Variants in RIT2 observed in about 807,000 individuals in gnomAD.
RIT2 encodes the protein Ras like without CAAX 2.
Under a neutral mutation model 23.7 loss-of-function variants are expected in RIT2, and 24 were observed. The ratio of observed to expected loss-of-function variants is 1.01; its 90% CI spans 0.73 to 1.43. The LOEUF is 1.43. RIT2 is among the 40% of genes most tolerant of loss of function. The pLI is 0.00. For synonymous variants in RIT2, 107 were observed against 91.1 expected, an observed-to-expected ratio of 1.17 and a Z score of -0.99; for missense variants, 236 against 266.9, an observed-to-expected ratio of 0.88 and a Z score of 0.81.
At chr18:42,979,202 A>C (rs1284852192) in intron 2 of RIT2, among the ~76,000 whole-genome samples, 1 of 152,108 alleles carries the variant, frequency 6.6e-6, no homozygotes, top group Non-Finnish European at 1.5e-5. Context: ...CAAAGCAGCT[A>C]ATGTATTTTT....
chr18:43,036,764 G>C (rs1292004265), intron 1 of RIT2, among the ~76,000 whole-genome samples: 1 of 152,112 alleles, frequency 6.6e-6, no homozygotes, highest in Non-Finnish European at 1.5e-5. Context: ...ATTTTAGAAA[G>C]ATTGATTTGT....
At chr18:43,085,968 G>A (rs543629287) in intron 1 of RIT2, among the ~76,000 whole-genome samples, 1 of 152,086 alleles carries the variant, frequency 6.6e-6, no homozygotes, top group African/African-American at 2.4e-5. Flanking sequence ...CCATGATTAA[G>A]AGACCTCCCA....
At chr18:43,027,258 G>A (rs1383112103) in intron 2 of RIT2, among the ~76,000 whole-genome samples, 1 of 152,102 alleles carries the variant, frequency 6.6e-6, no homozygotes, top group Non-Finnish European at 1.5e-5. Flanking sequence ...ACTCTGAGCA[G>A]CTTTATAGCA....
intron 4 of RIT2, among the ~76,000 whole-genome samples, chr18:42,804,899 C>A (rs1364596776): frequency 6.6e-6 from 1 of 152,150 alleles, no homozygotes; most frequent in Non-Finnish European, 1.5e-5. Flanking sequence ...GTGCGCAGGG[C>A]AGTGTGAGGC....
At chr18:42,950,125 C>A (rs1309255897) in intron 3 of RIT2, among the ~76,000 whole-genome samples, 23 of 152,064 alleles carry the variant, frequency 1.5e-4, no homozygotes, top group Non-Finnish European at 1.3e-4. Context: ...ATTCTATACT[C>A]AACTGCTTAT....
chr18:42,976,583 G>A (rs1050859563), intron 2 of RIT2, among the ~76,000 whole-genome samples: 2 of 152,020 alleles, frequency 1.3e-5, no homozygotes, highest in African/African-American at 4.8e-5. Flanking sequence ...TTTGGGTCAT[G>A]TAGTTGTTAC....
chr18:42,823,612 C>T (rs1444364008), intron 4 of RIT2, among the ~76,000 whole-genome samples: 2 of 152,076 alleles, frequency 1.3e-5, no homozygotes, highest in African/African-American at 2.4e-5. Flanking sequence ...CAATTTATCC[C>T]TGCACACTTT....
intron 4 of RIT2, among the ~76,000 whole-genome samples, chr18:42,807,923 T>G (rs976393030): frequency 2.0e-5 from 3 of 152,044 alleles, no homozygotes; most frequent in African/African-American, 7.2e-5. Context: ...AAAGAAGGCT[T>G]TCTGATTATC....
intron 3 of RIT2, among the ~76,000 whole-genome samples, chr18:42,945,100 T>C (rs979781168): frequency 1.3e-5 from 2 of 152,098 alleles, no homozygotes; most frequent in African/African-American, 4.8e-5. Context: ...TTACTTAAAA[T>C]TACATTAATG....
intron 4 of RIT2, among the ~76,000 whole-genome samples, chr18:42,774,268 T>A (rs1913615141): frequency 6.6e-6 from 1 of 152,174 alleles, no homozygotes; most frequent in African/African-American, 2.4e-5. Context: ...TCACTTTGCT[T>A]TGCATTGCTT....
chr18:42,945,106 TAATG>T (rs1909696150), intron 3 of RIT2, among the ~76,000 whole-genome samples: 1 of 152,104 alleles, frequency 6.6e-6, no homozygotes, highest in African/African-American at 2.4e-5. Context: ...AAAATTACAT[TAATG>T]AAAGAAATTA....
chr18:43,051,670 A>G lies in RIT2; in HGVS notation c.104-17803T>C, dbSNP rs527379673. 2.2e-3 allele frequency among the ~76,000 whole-genome samples: 330 copies of G among 152,288 alleles called. 1 individual carries two copies. The highest frequency in any genetic ancestry group is 7.5e-3 in the African/African-American group (313 of 41,580). On this transcript the variant is annotated intron_variant, in intron 1 of 4. Coordinates refer to ENST00000326695, the MANE Select transcript of RIT2 (RefSeq NM_002930.4). ...TTTTAGTGTTAACTGCCTACTGGCC[A>G]TTGGTCTAAATCTAAATAATTAAAT... is the stretch of plus-strand genomic sequence containing the variant.
At chr18:43,084,184 G>A (rs2144351432) in intron 1 of RIT2, among the ~76,000 whole-genome samples, 1 of 152,310 alleles carries the variant, frequency 6.6e-6, no homozygotes, top group South Asian at 2.1e-4. Context: ...ACCATAGTGA[G>A]ATTCTATTTC....
intron 4 of RIT2, among the ~76,000 whole-genome samples, chr18:42,851,692 T>C (rs776543288): frequency 6.6e-6 from 1 of 151,838 alleles, no homozygotes; most frequent in Non-Finnish European, 1.5e-5. Flanking sequence ...TCTACTAAAA[T>C]ACAAAAAATT....
intron 4 of RIT2, among the ~76,000 whole-genome samples, chr18:42,795,014 G>T (rs2143951876): frequency 6.6e-6 from 1 of 151,954 alleles, no homozygotes; most frequent in Non-Finnish European, 1.5e-5. Flanking sequence ...TTCTTTTTTT[G>T]AAACTAAGGA....
intron 1 of RIT2, among the ~76,000 whole-genome samples, chr18:43,101,866 T>C (rs1247110090): frequency 6.6e-6 from 1 of 152,180 alleles, no homozygotes; most frequent in Non-Finnish European, 1.5e-5. Flanking sequence ...TTAGATCGTT[T>C]AAGCTCATTC....
rs1332074050 is a variant in RIT2 at position 42,923,527 on chromosome 18, C to T, written c.426+45G>A. 2.6e-6 allele frequency: 4 copies of T among 1,540,060 alleles called. No homozygotes were observed. The African/African-American group carries it at 4.1e-5, about 16-fold the overall frequency. Reference sequence around the variant, plus strand: ...AGCAGCCATATTTTGTACTATGCATCCTCAGAGCAAAAGACAGAAGCTACC... The same window carrying T: ...AGCAGCCATATTTTGTACTATGCATTCTCAGAGCAAAAGACAGAAGCTACC... On this transcript the variant is annotated intron_variant, in intron 4 of 4. Coordinates refer to ENST00000326695, the MANE Select transcript of RIT2 (RefSeq NM_002930.4).
At chr18:42,823,619 C>CT (rs1405697048) in intron 4 of RIT2, among the ~76,000 whole-genome samples, 2 of 152,174 alleles carry the variant, frequency 1.3e-5, no homozygotes, top group Admixed American at 6.5e-5. Context: ...TCCCTGCACA[C>CT]TTTTTTTCTA....
chr18:42,891,161 G>A (rs376137205), intron 4 of RIT2, among the ~76,000 whole-genome samples: 77 of 152,236 alleles, frequency 5.1e-4, no homozygotes, highest in African/African-American at 1.8e-3. Flanking sequence ...GAGTAGAGAT[G>A]CAACCCTGGC....
Sources: allele counts gnomAD v4.1 joint callset (sites outside exome capture counted in the v4.1 genomes callset), GRCh38; gene constraint gnomAD v4.1.1; transcripts MANE v1.5; gene names NCBI Gene and HGNC (gene_info 2026-07-23, HGNC 2026-07-21).